FAN1: variants seen among roughly 807,000 people sequenced by gnomAD.
The protein encoded by FAN1 is fanconi-associated nuclease 1.
In FAN1, 91 loss-of-function variants were observed where a neutral mutation model predicts 104.9. That is an observed-to-expected ratio of 0.87 (90% CI 0.73 to 1.03). FAN1 has a LOEUF of 1.03. FAN1 is among the 50% of genes least tolerant of loss of function. The pLI is 0.00. For missense variants in FAN1, 1,263 were observed against 1,239.9 expected, an observed-to-expected ratio of 1.02 and a Z score of -0.28; for synonymous variants, 478 against 457.6, an observed-to-expected ratio of 1.04 and a Z score of -0.57.
rs113045164 is a variant in FAN1, at chr15:30,904,578, C to G, written c.-86C>G. On this transcript the variant is annotated 5_prime_UTR_variant, in exon 2 of 15. Coordinates refer to ENST00000362065, the MANE Select transcript of FAN1 (RefSeq NM_014967.5). ...AATCCCACTTTTGGTGATTTCAAGT[C>G]AAGAAAGTAAAAGTAAACCATTGCT... 91 of 1,366,666 alleles carry G rather than the reference C, an allele frequency of 6.7e-5. 5 individuals carry two copies. The African/African-American group carries it at 7.1e-4, about 11-fold the overall frequency. 84.7% of individuals were successfully genotyped at this position (1,366,666 alleles called of 1,614,324 possible).
intron 14 of FAN1, chr15:30,938,795 TA>T: frequency 5.8e-6 from 3 of 514,024 alleles, no homozygotes; most frequent in Non-Finnish European, 7.5e-6. Context: ...GAATTGCTGT[TA>T]AAAAAAGTTA....
In FAN1 at chr15:30,929,358, T is replaced by G; in HGVS notation, c.2748T>G (p.Leu916=). ...WHEQEGRVAS[L]VSWDRFTSLQ... is the part of the protein sequence containing the mutation. ...AGCAGGAAGGCAGAGTGGCTTCCCT[T>G]GTCAGCTGGGATCGCTTCACGTCTC... The change falls in exon 12 of 15, where the codon CTT becomes CTG. Residue 916 remains leucine, a synonymous_variant. Coordinates refer to ENST00000362065, the MANE Select transcript of FAN1 (RefSeq NM_014967.5). 6.2e-7 allele frequency: 1 copy of G among 1,611,704 alleles called. No individual in the cohort carries two copies. The highest frequency in any genetic ancestry group is 8.5e-7 in the Non-Finnish European group (1 of 1,179,042).
intron 14 of FAN1, chr15:30,940,319 G>A (rs535234051): frequency 1.4e-5 from 14 of 985,276 alleles, no homozygotes; most frequent in Non-Finnish European, 1.7e-5. Flanking sequence ...AACTGTGTCT[G>A]CTCATTCTCC....
chr15:30,928,493 G>C lies in FAN1; in HGVS notation c.2489-60G>C, dbSNP rs1015919835. On this transcript the variant is annotated intron_variant, in intron 10 of 14. Coordinates refer to ENST00000362065, the MANE Select transcript of FAN1 (RefSeq NM_014967.5). ...TTATGGTGGTGTTTTGGAAGAAACAGATAAAACAGATTTTGTGTGTGTGTG... is the reference window on the plus strand; with the variant it reads ...TTATGGTGGTGTTTTGGAAGAAACACATAAAACAGATTTTGTGTGTGTGTG... The C allele has an allele frequency of 3.9e-5, 60 of 1,541,744 alleles. No individual in the cohort carries two copies. The African/African-American group carries it at 8.8e-4, about 23-fold the overall frequency.
At position 30,904,788 on chromosome 15, in the gene FAN1, T is replaced by G. The variant is rs759899724; in HGVS notation, c.125T>G (p.Leu42Arg). The G allele has an allele frequency of 4.3e-6, 7 of 1,613,664 alleles. No homozygotes were observed. Among genetic ancestry groups the G allele is most frequent in the Non-Finnish European group, 3.4e-6 (4 of 1,179,608 alleles). The stretch of plus-strand genomic sequence containing the variant: ...TTTAACAATGCACCACCTGCTAAAC[T>G]TGCCTGCCCCGTTTGCAGTAAAATG... Reference protein sequence around the residue: ...SCFNNAPPAKLACPVCSKMVP... With the variant: ...SCFNNAPPAKRACPVCSKMVP... Residue 42 changes from leucine to arginine, a missense_variant, in exon 2 of 15, where the codon CTT becomes CGT. This residue lies in a region of FAN1 where 682 missense variants were observed against 571.1 expected (regional missense o/e 1.19). Coordinates refer to ENST00000362065, the MANE Select transcript of FAN1 (RefSeq NM_014967.5).
intron 10 of FAN1, chr15:30,926,815 C>G (rs56364319): frequency 1.0e-6 from 1 of 985,338 alleles, no homozygotes. Flanking sequence ...GAAAAACACA[C>G]GATTCCTTTC....
chr15:30,942,809 TACTTTTA>T lies in FAN1; in HGVS notation c.*1250_*1256del. The T allele has an allele frequency of 7.3e-7, 1 of 1,379,000 alleles. No individual in the cohort carries two copies. Among genetic ancestry groups the T allele is most frequent in the Non-Finnish European group, 9.7e-7 (1 of 1,027,758 alleles). 85.4% of individuals were successfully genotyped at this position (1,379,000 alleles called of 1,614,324 possible). On this transcript the variant is annotated 3_prime_UTR_variant, in exon 15 of 15. Coordinates refer to ENST00000362065, the MANE Select transcript of FAN1 (RefSeq NM_014967.5). ...GCAGTGTTACTCTTGGAAGTGCCTT[TACTTTTA>T]ACGCTCTCTGTTCTGAAAAAGAGGT...
chr15:30,906,583 AG>A, intron 2 of FAN1: 1 of 448,406 alleles, frequency 2.2e-6, no homozygotes, highest in South Asian at 1.6e-5. Context: ...CATGTCCCTG[AG>A]GGCAGGAAAA....
At chr15:30,937,601 G>A (rs1018995360) in intron 14 of FAN1, among the ~76,000 whole-genome samples, 19 of 151,694 alleles carry the variant, frequency 1.3e-4, no homozygotes, top group African/African-American at 2.4e-4. Context: ...ACAGGTGTGC[G>A]CCACCACGCC....
At chr15:30,940,546 G>A (rs910672275) in intron 14 of FAN1, 3 of 985,368 alleles carry the variant, frequency 3.0e-6, no homozygotes, top group Admixed American at 6.2e-5. Flanking sequence ...AATACTGATG[G>A]CCAAGCCCAG....
chr15:30,910,546 TCTAA>T (rs2062075788), intron 3 of FAN1, 64 bp from the exon 4 acceptor site: 3 of 968,188 alleles, frequency 3.1e-6, no homozygotes, highest in East Asian at 2.7e-5. Flanking sequence ...TTTATTTTCA[TCTAA>T]CTAAGGTAAA....
In FAN1 at chr15:30,905,459, T is replaced by G; in HGVS notation, c.796T>G (p.Ser266Ala). ...CTCAGATAATGCGATCATGTTATTC[T>G]CACCAGATTTCACTCTTAGGAATAC... The part of the protein sequence containing the change: ...GFSDNAIMLF[S>A]PDFTLRNTLK... The change falls in exon 2 of 15, where the codon TCA (serine) becomes GCA (alanine). Residue 266 changes from serine to alanine, a missense_variant. Coordinates refer to ENST00000362065, the MANE Select transcript of FAN1 (RefSeq NM_014967.5). 6.2e-7 allele frequency: 1 copy of G among 1,613,976 alleles called. No homozygotes were observed. The highest frequency in any genetic ancestry group is 1.1e-5 in the South Asian group (1 of 91,086).
chr15:30,938,986 A>G, intron 14 of FAN1: 1 of 985,272 alleles, frequency 1.0e-6, no homozygotes, highest in Non-Finnish European at 1.2e-6. Context: ...TTTCCTTCAC[A>G]TTCAATACTG....
At chr15:30,917,080 C>T (rs187948721) in intron 5 of FAN1, among the ~76,000 whole-genome samples, 3 of 152,138 alleles carry the variant, frequency 2.0e-5, no homozygotes, top group Non-Finnish European at 2.9e-5. Flanking sequence ...TTGTTGGTAG[C>T]GGCAGTGGAG....
Position 30,905,009 on chromosome 15 carries a change from T to G in FAN1, c.346T>G (p.Ser116Ala), listed in dbSNP as rs747262572. ...AAATTTAACCCCTGGCCAAAGTGAT[T>G]CAGCAAAAAGGGAAGTAAAGCAGAA... is the stretch of plus-strand genomic sequence containing the variant. ...KTNLTPGQSD[S>A]AKREVKQKIS... is the part of the protein sequence containing the mutation. The change falls in exon 2 of 15, where the codon TCA becomes GCA. Residue 116 changes from serine to alanine, a missense_variant. By Grantham distance (99) the Ser-to-Ala change is moderately conservative (BLOSUM62 1). Around this residue, in one of 2 missense-constraint regions of FAN1, gnomAD observed 682 missense variants for 571.1 expected, o/e 1.19. Transcript: ENST00000362065. The G allele has an allele frequency of 1.2e-6, 2 of 1,613,898 alleles. No individual in the cohort carries two copies. The highest frequency in any genetic ancestry group is 1.3e-5 in the African/African-American group (1 of 74,918).
intron 13 of FAN1, among the ~76,000 whole-genome samples, chr15:30,933,680 TTTC>T (rs1224787343): frequency 6.6e-6 from 1 of 152,234 alleles, no homozygotes; most frequent in African/African-American, 2.4e-5. Context: ...TCCTTACTGA[TTTC>T]TTATTTACTT....
Position 30,929,739 on chromosome 15 carries a change from T to TCATATATAATATATATGAAATATATAA in FAN1, c.2787+342_2787+343insCATATATAATATATATGAAATATATAA, listed in dbSNP as rs1566929839. 3.0e-4 allele frequency among the ~76,000 whole-genome samples: 10 copies of TCATATATAATATATATGAAATATATAA among 32,908 alleles called. 1 individual carries two copies. Among genetic ancestry groups the TCATATATAATATATATGAAATATATAA allele is most frequent in the South Asian group, 1.7e-3 (2 of 1,184 alleles). The allele number at this position is 32,908 out of a possible 152,430, so 21.6% of individuals were successfully genotyped here. ...TAATATATATAAAATATATAATATA[T>TCATATATAATATATATGAAATATATAA]TATATCATATATAATATAATATATA... On this transcript the variant is annotated intron_variant, in intron 12 of 14. Coordinates refer to ENST00000362065, the MANE Select transcript of FAN1 (RefSeq NM_014967.5).
chr15:30,913,206 C>G (rs1336692015), intron 4 of FAN1, among the ~76,000 whole-genome samples: 1 of 152,114 alleles, frequency 6.6e-6, no homozygotes, highest in Non-Finnish European at 1.5e-5. Flanking sequence ...GGAGTGTGAA[C>G]CCTATTGTGA....
intron 11 of FAN1, 138 bp from the exon 12 acceptor site, chr15:30,929,064 CA>C: frequency 2.5e-6 from 2 of 811,100 alleles, no homozygotes; most frequent in Non-Finnish European, 3.8e-6. Flanking sequence ...GCTTTTATAT[CA>C]ATTAACTTTT....
Sources: gnomAD v4.1 joint callset for allele counts (sites outside exome capture counted in the v4.1 genomes callset) on GRCh38, gnomAD v4.1.1 for gene constraint, gnomAD v4.1.1 regional missense constraint, MANE v1.5 for transcripts, NCBI Gene and HGNC (gene_info 2026-07-23, HGNC 2026-07-21) for gene names.